The following HSD17B4 variants were observed in gnomAD, a reference collection of about 807,000 sequenced individuals.
HSD17B4 encodes peroxisomal multifunctional enzyme type 2.
A neutral mutation model predicts 101.0 loss-of-function variants in HSD17B4; 70 were observed. The ratio of observed to expected loss-of-function variants is 0.69; its 90% CI spans 0.57 to 0.85. The LOEUF (loss-of-function observed/expected upper bound fraction) is 0.85, where lower values mean the gene tolerates loss of function less well. HSD17B4 is among the 40% of genes least tolerant of loss of function. The pLI is 0.00. For synonymous variants in HSD17B4, 347 were observed against 297.1 expected, an observed-to-expected ratio of 1.17 and a Z score of -1.73; for missense variants, 984 against 892.4, an observed-to-expected ratio of 1.10 and a Z score of -1.31.
rs762828103 is a variant in HSD17B4, at chr5:119,489,295, T to G, written c.714+12T>G. On this transcript the variant is annotated intron_variant, in intron 9 of 23. Coordinates refer to ENST00000510025, the MANE Select transcript of HSD17B4 (RefSeq NM_000414.4). ...GTGGCTTGTTTGAGGTATTTGCACCTTCCTGTTTTCTCTTATTAGTTTTCT... is the reference window on the plus strand; with the variant it reads ...GTGGCTTGTTTGAGGTATTTGCACCGTCCTGTTTTCTCTTATTAGTTTTCT... 22 of 1,563,246 alleles carry G rather than the reference T, an allele frequency of 1.4e-5. No homozygotes were observed. In the Admixed American group the frequency reaches 2.2e-4, roughly 15 times the overall value.
chr5:119,457,777 G>T (rs1476030149), intron 2 of HSD17B4, among the ~76,000 whole-genome samples: 1 of 151,864 alleles, frequency 6.6e-6, no homozygotes, highest in African/African-American at 2.4e-5. Context: ...TTTATCTTTT[G>T]TATCTACTAA....
At chr5:119,496,023 C>T (rs1363238731) in intron 11 of HSD17B4, among the ~76,000 whole-genome samples, 1 of 152,068 alleles carries the variant, frequency 6.6e-6, no homozygotes, top group African/African-American at 2.4e-5. Context: ...CTTTTGATCC[C>T]TGTCTGGAGT....
intron 8 of HSD17B4, among the ~76,000 whole-genome samples, chr5:119,480,609 A>G (rs1475760312): frequency 6.6e-6 from 1 of 152,206 alleles, no homozygotes; most frequent in African/African-American, 2.4e-5. Context: ...CGAAATTAAA[A>G]TTGCTAATGA....
chr5:119,467,288 A>G (rs917144749), intron 2 of HSD17B4, among the ~76,000 whole-genome samples: 1 of 152,224 alleles, frequency 6.6e-6, no homozygotes, highest in African/African-American at 2.4e-5. Context: ...TTTCTAGAGC[A>G]GTGGTCTTTT....
Position 119,541,925 on chromosome 5 carries a change from G to A in HSD17B4, c.2142G>A (p.Leu714=). 6.2e-7 allele frequency: 1 copy of A among 1,612,400 alleles called. No individual in the cohort carries two copies. Among genetic ancestry groups the A allele is most frequent in the Non-Finnish European group, 8.5e-7 (1 of 1,178,924 alleles). ...TGCAGGCATTCTTTAGTGGCAGGCT[G>A]AAGGCCAGAGGGAACATCATGCTGA... ...DPQKAFFSGR[L]KARGNIMLSQ... Residue 714 remains leucine, a synonymous_variant, in exon 24 of 24, where the codon CTG becomes CTA. Coordinates refer to ENST00000510025, the MANE Select transcript of HSD17B4 (RefSeq NM_000414.4).
At chr5:119,520,637 C>G (rs1753034982) in intron 17 of HSD17B4, among the ~76,000 whole-genome samples, 1 of 152,174 alleles carries the variant, frequency 6.6e-6, no homozygotes, top group South Asian at 2.1e-4. Context: ...AATTGTAGTC[C>G]TGCATTGCCT....
Position 119,527,130 on chromosome 5 carries a change from A to G in HSD17B4, c.1681-3A>G, listed in dbSNP as rs1349988317. 3.2e-6 allele frequency: 5 copies of G among 1,569,678 alleles called. No homozygotes were observed. Among genetic ancestry groups the G allele is most frequent in the African/African-American group, 1.4e-5 (1 of 73,888 alleles). Reference sequence around the variant, plus strand: ...TTTTTAACCCCACAATTCTTTTTTAAAGGCTCGTTTTGCAAAACCAGTATA... The same window carrying G: ...TTTTTAACCCCACAATTCTTTTTTAGAGGCTCGTTTTGCAAAACCAGTATA... On this transcript the variant is annotated splice_polypyrimidine_tract_variant and splice_region_variant and intron_variant, in intron 19 of 23. Coordinates refer to ENST00000510025, the MANE Select transcript of HSD17B4 (RefSeq NM_000414.4).
At chr5:119,453,294 T>C (rs1470390662) in intron 1 of HSD17B4, among the ~76,000 whole-genome samples, 2 of 151,920 alleles carry the variant, frequency 1.3e-5, no homozygotes, top group East Asian at 3.9e-4. Flanking sequence ...AAAATGGGAG[T>C]AGGATGGGCA....
At chr5:119,512,592 A>T (rs1752276395) in intron 16 of HSD17B4, among the ~76,000 whole-genome samples, 1 of 152,148 alleles carries the variant, frequency 6.6e-6, no homozygotes, top group Non-Finnish European at 1.5e-5. Context: ...AAGGTCAACT[A>T]AGAATTTTAT....
chr5:119,533,877 T>TC (rs1273604689), intron 22 of HSD17B4, among the ~76,000 whole-genome samples: 1 of 152,126 alleles, frequency 6.6e-6, no homozygotes, highest in East Asian at 1.9e-4. Context: ...TTCTAAAATT[T>TC]CCATTTGTCT....
At chr5:119,522,779 A>G (rs1218302119) in intron 17 of HSD17B4, among the ~76,000 whole-genome samples, 1 of 151,668 alleles carries the variant, frequency 6.6e-6, no homozygotes, top group Non-Finnish European at 1.5e-5. Context: ...TCTTTGTTTT[A>G]TTCTGTTCTC....
At chr5:119,540,552 T>A (rs1754906250) in intron 23 of HSD17B4, among the ~76,000 whole-genome samples, 1 of 152,202 alleles carries the variant, frequency 6.6e-6, no homozygotes, top group Non-Finnish European at 1.5e-5. Context: ...AAGTACTGAC[T>A]CCTTCCCTGC....
At position 119,527,149 on chromosome 5, in the gene HSD17B4, C is replaced by T. The variant is rs1183044213; in HGVS notation, c.1697C>T (p.Pro566Leu). 1 of 1,600,496 alleles carries T rather than the reference C, an allele frequency of 6.2e-7. No homozygotes were observed. The highest frequency in any genetic ancestry group is 1.1e-5 in the South Asian group (1 of 90,736). Residue 566 changes from proline (P) to leucine (L), a missense_variant, in exon 20 of 24, where the codon CCA (proline) becomes CTA (leucine). Pro to Leu is a moderately conservative substitution (Grantham distance 98). Transcript: ENST00000510025. The part of the protein sequence containing the change: ...FKAIKARFAK[P>L]VYPGQTLQTE... ...TTTTTAAAGGCTCGTTTTGCAAAAC[C>T]AGTATATCCAGGACAAACTCTACAA...
intron 18 of HSD17B4, 118 bp from the exon 19 acceptor site, chr5:119,525,799 G>T (rs374512692): frequency 1.4e-5 from 9 of 654,968 alleles, no homozygotes; most frequent in East Asian, 2.9e-5. Flanking sequence ...TCTTAAAATA[G>T]ATGGTATAAT....
chr5:119,482,199 C>G (rs1223315585), intron 8 of HSD17B4, among the ~76,000 whole-genome samples: 3 of 152,042 alleles, frequency 2.0e-5, no homozygotes, highest in Non-Finnish European at 2.9e-5. Flanking sequence ...TTTTCTCATT[C>G]TTTTTTTGCG....
chr5:119,529,519 T>G (rs1281376374), intron 20 of HSD17B4, among the ~76,000 whole-genome samples: 2 of 152,166 alleles, frequency 1.3e-5, no homozygotes, highest in African/African-American at 2.4e-5. Flanking sequence ...TGGACTGAAT[T>G]CTGTTTATAA....
At chr5:119,498,066 T>C (rs1313545188) in intron 12 of HSD17B4, among the ~76,000 whole-genome samples, 2 of 152,218 alleles carry the variant, frequency 1.3e-5, no homozygotes, top group African/African-American at 4.8e-5. Flanking sequence ...TGATAGCTCA[T>C]GTGAAATTTG....
chr5:119,453,063 A>C (rs1447211053), intron 1 of HSD17B4, among the ~76,000 whole-genome samples: 1 of 152,256 alleles, frequency 6.6e-6, no homozygotes, highest in African/African-American at 2.4e-5. Context: ...CAGAGATGTC[A>C]GCTCCTGAAA....
chr5:119,532,733 A>T (rs1279774606), intron 22 of HSD17B4, among the ~76,000 whole-genome samples: 2 of 152,138 alleles, frequency 1.3e-5, no homozygotes, highest in African/African-American at 4.8e-5. Flanking sequence ...GAAATGAAAG[A>T]TGACATAAAG....
Sources: allele counts gnomAD v4.1 joint callset (sites outside exome capture counted in the v4.1 genomes callset), GRCh38; gene constraint gnomAD v4.1.1; transcripts MANE v1.5; gene names NCBI Gene and HGNC (gene_info 2026-07-23, HGNC 2026-07-21).